LHX8: variants seen among roughly 807,000 people sequenced by gnomAD.
The protein encoded by LHX8 is LIM/homeobox protein Lhx8.
LHX8 carries 12 observed loss-of-function variants against 40.3 expected under a neutral mutation model. The observed-to-expected ratio is 0.30, with a 90% CI of 0.19 to 0.48. The LOEUF is 0.48. Ranked by LOEUF, LHX8 falls within the 20% of genes least tolerant of loss-of-function variation. The pLI, the probability that LHX8 is intolerant of heterozygous loss-of-function variation, is 0.99. For synonymous variants in LHX8, 179 were observed against 162.0 expected (o/e 1.10, Z -0.80); for missense variants, 344 against 433.7 (o/e 0.79, Z 1.84).
chr1:75,192,321 T>G, the LHX8 span, among the ~76,000 whole-genome samples: 2 of 152,216 alleles, frequency 1.3e-5, no homozygotes, highest in Non-Finnish European at 2.9e-5. Flanking sequence ...GTTATAAACT[T>G]CCTCAAGTTT....
At chr1:75,170,951 A>C in the LHX8 span, among the ~76,000 whole-genome samples, 1 of 152,264 alleles carries the variant, frequency 6.6e-6, no homozygotes, top group African/African-American at 2.4e-5. Context: ...TATCATTCCC[A>C]CTTTACAGAT....
At chr1:75,130,593 G>C, upstream of LHX8, 1 of 913,706 alleles carries the variant, frequency 1.1e-6, no homozygotes, top group Non-Finnish European at 1.8e-6. Context: ...ACCTCCACTG[G>C]CGTGAATAAA....
chr1:75,173,573 G>C, the LHX8 span, among the ~76,000 whole-genome samples: 10 of 151,462 alleles, frequency 6.6e-5, no homozygotes, highest in African/African-American at 2.4e-4. Flanking sequence ...TAGTAGAGAC[G>C]GGATTTCACC....
At chr1:75,136,380 G>A (rs1198333774) in intron 1 of LHX8, among the ~76,000 whole-genome samples, 1 of 151,842 alleles carries the variant, frequency 6.6e-6, no homozygotes, top group African/African-American at 2.4e-5. Flanking sequence ...GGGAGCGCGG[G>A]ACGAGCTACC....
At chr1:75,156,824 CTGAGT>C in intron 7 of LHX8, 64 bp from the exon 8 acceptor site, 1 of 1,431,564 alleles carries the variant, frequency 7.0e-7, no homozygotes, top group Non-Finnish European at 9.9e-7. Flanking sequence ...CATTTTTTAA[CTGAGT>C]TGATAATGTG....
At chr1:75,145,112 C>G (rs1226713125) in intron 6 of LHX8, among the ~76,000 whole-genome samples, 1 of 152,012 alleles carries the variant, frequency 6.6e-6, no homozygotes, top group Non-Finnish European at 1.5e-5. Context: ...TTAATTTAGG[C>G]ATAAAGTACA....
chr1:75,173,473 T>C, the LHX8 span, among the ~76,000 whole-genome samples: 1 of 135,402 alleles, frequency 7.4e-6, no homozygotes, highest in Admixed American at 8.6e-5. Flanking sequence ...AAGCTCCACC[T>C]CCGGGTTCAC....
chr1:75,137,146 C>T lies in LHX8; in HGVS notation c.122C>T (p.Ala41Val), dbSNP rs1648170229. Reference protein sequence around the residue: ...AGDEDSCSSSAPLSPSSSPRS... With the variant: ...AGDEDSCSSSVPLSPSSSPRS... ...GACGAGGACTCGTGCTCCTCCTCGG[C>T]CCCGCTGTCCCCGTCGTCCTCGCCC... Residue 41 changes from alanine (A) to valine (V), a missense_variant, in exon 3 of 9, where the codon GCC becomes GTC. By Grantham distance (64) the Ala-to-Val change is moderately conservative (BLOSUM62 0). Around this residue, in one of 3 missense-constraint regions of LHX8, gnomAD observed 108 missense variants for 90.1 expected, o/e 1.20. Transcript: ENST00000356261. 1 of 1,612,018 alleles carries T rather than the reference C, an allele frequency of 6.2e-7. No individual in the cohort carries two copies. The highest frequency in any genetic ancestry group is 8.5e-7 in the Non-Finnish European group (1 of 1,179,238).
chr1:75,139,859 C>T (rs1648265126), intron 3 of LHX8, among the ~76,000 whole-genome samples: 1 of 152,126 alleles, frequency 6.6e-6, no homozygotes, highest in African/African-American at 2.4e-5. Flanking sequence ...AGTTCTAATT[C>T]GATAGACACA....
chr1:75,169,076 C>A, the LHX8 span, among the ~76,000 whole-genome samples: 2 of 152,090 alleles, frequency 1.3e-5, no homozygotes, highest in Non-Finnish European at 2.9e-5. Context: ...ATGTAACATC[C>A]TTTGTGGCCT....
At chr1:75,142,966 T>C (rs535713811) in intron 4 of LHX8, 152 bp from the exon 5 acceptor site, 1 of 688,332 alleles carries the variant, frequency 1.5e-6, no homozygotes, top group Non-Finnish European at 2.5e-6. Flanking sequence ...TATTGACTTT[T>C]AGAAAAATAA....
At chr1:75,177,190 G>GT in the LHX8 span, among the ~76,000 whole-genome samples, 1 of 152,082 alleles carries the variant, frequency 6.6e-6, no homozygotes, top group Non-Finnish European at 1.5e-5. Flanking sequence ...CTTTAAAGTA[G>GT]TTTTTTCCAA....
chr1:75,151,266 A>G (rs997588903), intron 7 of LHX8, among the ~76,000 whole-genome samples: 5 of 152,182 alleles, frequency 3.3e-5, no homozygotes, highest in Admixed American at 3.3e-4. Flanking sequence ...ACTGCAAGGT[A>G]ATGAGGCTGT....
chr1:75,134,073 C>T (rs1053693596), upstream of LHX8, among the ~76,000 whole-genome samples: 1 of 151,930 alleles, frequency 6.6e-6, no homozygotes, highest in African/African-American at 2.4e-5. Context: ...AGAGATGTAA[C>T]CTGAATCTTT....
rs1648914434 is a variant in LHX8, at chr1:75,161,370, C to A, written c.*475C>A. ...GAATTTGCAACTGAAATTTATTTTG[C>A]CAATGTTTTCTGAATGAACTGAATA... On this transcript the variant is annotated 3_prime_UTR_variant, in exon 9 of 9. Transcript: ENST00000356261. 5.8e-6 allele frequency: 1 copy of A among 172,956 alleles called. No individual in the cohort carries two copies. The highest frequency in any genetic ancestry group is 1.2e-5 in the Non-Finnish European group (1 of 81,102). 10.7% of individuals were successfully genotyped at this position (172,956 alleles called of 1,614,324 possible).
intron 7 of LHX8, among the ~76,000 whole-genome samples, chr1:75,149,471 C>T (rs374303848): frequency 3.3e-5 from 5 of 152,198 alleles, no homozygotes; most frequent in South Asian, 4.2e-4. Flanking sequence ...TGCCCAGCAA[C>T]GTAGTGTGGT....
At chr1:75,155,230 CTTTTTTTTT>C (rs57009636) in intron 7 of LHX8, among the ~76,000 whole-genome samples, 2 of 94,364 alleles carry the variant, frequency 2.1e-5, no homozygotes, top group Non-Finnish European at 3.9e-5. Flanking sequence ...GAAACACTCT[CTTTTTTTTT>C]TTTTTTTTTT....
At chr1:75,171,185 C>A in the LHX8 span, among the ~76,000 whole-genome samples, 1 of 151,780 alleles carries the variant, frequency 6.6e-6, no homozygotes, top group African/African-American at 2.4e-5. Flanking sequence ...CACCAAAATT[C>A]CTTTTGTTGA....
At chr1:75,175,361 T>A in the LHX8 span, among the ~76,000 whole-genome samples, 2 of 152,234 alleles carry the variant, frequency 1.3e-5, no homozygotes, top group Non-Finnish European at 2.9e-5. Context: ...GATGTACTCT[T>A]AGTTCTTAAA....
Sources: gnomAD v4.1 joint callset for allele counts (sites outside exome capture counted in the v4.1 genomes callset) on GRCh38, gnomAD v4.1.1 for gene constraint, gnomAD v4.1.1 regional missense constraint, MANE v1.5 for transcripts, NCBI Gene and HGNC (gene_info 2026-07-23, HGNC 2026-07-21) for gene names.